The following SLC4A4 variants were observed in gnomAD, a reference collection of about 807,000 sequenced individuals.
The protein encoded by SLC4A4 is solute carrier family 4 member 4, also known as electrogenic sodium bicarbonate cotransporter 1.
SLC4A4 carries 27 observed loss-of-function variants against 111.5 expected under a neutral mutation model. The ratio of observed to expected loss-of-function variants is 0.24; its 90% CI spans 0.18 to 0.33. SLC4A4 has a LOEUF of 0.33. SLC4A4 is among the 10% of genes least tolerant of loss of function. The pLI, the probability that SLC4A4 is intolerant of heterozygous loss-of-function variation, is 1.00. For missense variants in SLC4A4, 909 were observed against 1,315.5 expected (o/e 0.69, Z 4.78); for synonymous variants, 443 against 463.4 (o/e 0.96, Z 0.57).
intron 7 of SLC4A4, among the ~76,000 whole-genome samples, chr4:71,400,443 T>C (rs538208044): frequency 2.0e-5 from 3 of 152,192 alleles, no homozygotes; most frequent in African/African-American, 7.2e-5. Flanking sequence ...CATGTTTAGA[T>C]GAAGCGAGGA....
intron 3 of SLC4A4, among the ~76,000 whole-genome samples, chr4:71,290,057 G>C (rs886687068): frequency 6.6e-6 from 1 of 152,132 alleles, no homozygotes; most frequent in Non-Finnish European, 1.5e-5. Context: ...GTTTAGAGGA[G>C]GGCTTTGGGA....
At chr4:71,252,244 G>A (rs527344039) in intron 2 of SLC4A4, among the ~76,000 whole-genome samples, 9 of 152,154 alleles carry the variant, frequency 5.9e-5, no homozygotes, top group African/African-American at 1.4e-4. Context: ...TTTTACTTTC[G>A]GTGTTTTGGT....
intron 2 of SLC4A4, among the ~76,000 whole-genome samples, chr4:71,093,889 G>C (rs2148942433): frequency 6.6e-6 from 1 of 152,256 alleles, no homozygotes. Flanking sequence ...GACACCATTT[G>C]GGATTGTTGG....
chr4:71,243,088 T>C (rs148358767), intron 2 of SLC4A4, among the ~76,000 whole-genome samples: 127 of 152,340 alleles, frequency 8.3e-4, no homozygotes, highest in African/African-American at 2.8e-3. Flanking sequence ...ACCATAATTG[T>C]ATACTGGGTA....
intron 2 of SLC4A4, among the ~76,000 whole-genome samples, chr4:71,160,448 T>C (rs1176201815): frequency 6.6e-6 from 1 of 152,134 alleles, no homozygotes; most frequent in Non-Finnish European, 1.5e-5. Context: ...TACATTGAGC[T>C]ATTCTCATGT....
chr4:71,499,159 T>C (rs942679643), intron 16 of SLC4A4, among the ~76,000 whole-genome samples: 11 of 152,150 alleles, frequency 7.2e-5, no homozygotes. Flanking sequence ...TTTTGGCTTA[T>C]ACTTTGTAAA....
Position 71,168,090 on chromosome 4 carries a change from G to A in SLC4A4, c.-1-68486G>A, listed in dbSNP as rs144553787. 1.4e-3 allele frequency among the ~76,000 whole-genome samples: 216 copies of A among 151,104 alleles called. 2 individuals carry two copies. Among genetic ancestry groups the A allele is most frequent in the East Asian group, 0.012 (64 of 5,152 alleles). Reference sequence around the variant, plus strand: ...ACATAAAATATTTTGATATAGGCATGCAATGTGTAATAATCACACCAGGGT... The same window carrying A: ...ACATAAAATATTTTGATATAGGCATACAATGTGTAATAATCACACCAGGGT... On this transcript the variant is annotated intron_variant, in intron 2 of 26. Coordinates refer to the SLC4A4 transcript ENST00000649996.
chr4:71,372,725 T>G (rs1016267863), intron 6 of SLC4A4, among the ~76,000 whole-genome samples: 3 of 152,252 alleles, frequency 2.0e-5, no homozygotes, highest in Non-Finnish European at 2.9e-5. Context: ...ACCTGTCTAG[T>G]TTGTCCATCT....
intron 1 of SLC4A4, among the ~76,000 whole-genome samples, chr4:71,084,740 T>A (rs1742106621): frequency 1.3e-5 from 2 of 151,774 alleles, no homozygotes; most frequent in South Asian, 4.1e-4. Flanking sequence ...GAACTCACCT[T>A]TTTTTATGGC....
At chr4:71,416,988 T>G (rs1408889305) in intron 7 of SLC4A4, among the ~76,000 whole-genome samples, 1 of 152,186 alleles carries the variant, frequency 6.6e-6, no homozygotes, top group Non-Finnish European at 1.5e-5. Flanking sequence ...GGCCCTTTGC[T>G]TCTTACTAGC....
intron 3 of SLC4A4, among the ~76,000 whole-genome samples, chr4:71,326,641 A>G (rs1410349224): frequency 1.3e-5 from 2 of 152,082 alleles, no homozygotes; most frequent in African/African-American, 4.8e-5. Flanking sequence ...ATCTATTATC[A>G]TCTCTGAAAA....
Position 71,450,521 on chromosome 4 carries a change from A to G in SLC4A4, c.1186A>G (p.Ser396Gly). The G allele has an allele frequency of 6.2e-7, 1 of 1,613,722 alleles. No individual in the cohort carries two copies. Among genetic ancestry groups the G allele is most frequent in the Non-Finnish European group, 8.5e-7 (1 of 1,179,848 alleles). The change falls in exon 10 of 26, where the codon AGT becomes GGT. Residue 396 changes from serine (S) to glycine (G), a missense_variant. Ser to Gly is a moderately conservative substitution (Grantham distance 56). This residue lies in a region of SLC4A4 where 312 missense variants were observed against 402.0 expected (regional missense o/e 0.78). Transcript: ENST00000264485. ...AGCAATTAGGATAGAGCCTCCTAAG[A>G]GTCTTCCATCCTCTGACAAAAGGTA... ...DPAIRIEPPKSLPSSDKRKNM... is the reference protein window; with the variant it reads ...DPAIRIEPPKGLPSSDKRKNM...
intron 3 of SLC4A4, among the ~76,000 whole-genome samples, chr4:71,256,515 A>G (rs1228340954): frequency 2.6e-5 from 4 of 152,168 alleles, no homozygotes; most frequent in African/African-American, 9.7e-5. Flanking sequence ...TAAAGACAGA[A>G]GCTTGGAGGG....
chr4:71,469,090 A>G (rs956360176), intron 13 of SLC4A4, among the ~76,000 whole-genome samples: 7 of 152,040 alleles, frequency 4.6e-5, no homozygotes, highest in African/African-American at 1.7e-4. Context: ...ACAACTTTTC[A>G]AAGATACTTG....
At chr4:71,183,769 T>C (rs1448476808), upstream of SLC4A4, among the ~76,000 whole-genome samples, 1 of 152,222 alleles carries the variant, frequency 6.6e-6, no homozygotes, top group Admixed American at 6.5e-5. Context: ...AAATCTCTAT[T>C]CTGTGTAGCA....
At chr4:71,327,706 A>G (rs1292209867) in intron 3 of SLC4A4, among the ~76,000 whole-genome samples, 15 of 152,140 alleles carry the variant, frequency 9.9e-5, no homozygotes. Context: ...TTTTATGGGT[A>G]TATAATAGGT....
intron 2 of SLC4A4, among the ~76,000 whole-genome samples, chr4:71,147,000 C>G (rs965433220): frequency 9.9e-5 from 15 of 152,250 alleles, no homozygotes; most frequent in Non-Finnish European, 1.9e-4. Flanking sequence ...ACCCATCTCA[C>G]ATGCAGAGAC....
At chr4:71,492,382 G>A (rs1280710844) in intron 15 of SLC4A4, among the ~76,000 whole-genome samples, 1 of 151,800 alleles carries the variant, frequency 6.6e-6, no homozygotes, top group African/African-American at 2.4e-5. Context: ...AGAACTGCGA[G>A]CAGATCCACT....
At chr4:71,386,349 A>G (rs1718717488) in intron 6 of SLC4A4, among the ~76,000 whole-genome samples, 1 of 151,724 alleles carries the variant, frequency 6.6e-6, no homozygotes, top group African/African-American at 2.4e-5. Flanking sequence ...TATGTCCTTT[A>G]TCTTTGGACT....
Sources: gnomAD v4.1 joint callset for allele counts (sites outside exome capture counted in the v4.1 genomes callset) on GRCh38, gnomAD v4.1.1 for gene constraint, gnomAD v4.1.1 regional missense constraint, MANE v1.5 for transcripts, NCBI Gene and HGNC (gene_info 2026-07-23, HGNC 2026-07-21) for gene names.